SYT1: variants seen among roughly 807,000 people sequenced by gnomAD.
The protein encoded by SYT1 is synaptotagmin 1, also known as synaptotagmin-1.
Under a neutral mutation model 44.8 loss-of-function variants are expected in SYT1, and 8 were observed. The observed-to-expected ratio is 0.18, with a 90% CI of 0.10 to 0.32. The LOEUF (loss-of-function observed/expected upper bound fraction) is 0.32. Among genes scored for constraint, SYT1 ranks in the 10% least tolerant of loss-of-function variants. SYT1 has a pLI of 1.00. For synonymous variants in SYT1, 154 were observed against 188.8 expected, an observed-to-expected ratio of 0.82 and a Z score of 1.51; for missense variants, 286 against 509.3, an observed-to-expected ratio of 0.56 and a Z score of 4.22.
intron 8 of SYT1, among the ~76,000 whole-genome samples, chr12:79,329,435 C>G (rs56372997): frequency 0.11 from 16,910 of 152,104 alleles, 1,398 homozygotes; most frequent in African/African-American, 0.23. Flanking sequence ...TAGCTGAGCA[C>G]GAAATACACA....
chr12:78,916,068 A>G (rs780381491), intron 1 of SYT1, among the ~76,000 whole-genome samples: 3 of 152,062 alleles, frequency 2.0e-5, no homozygotes, highest in Non-Finnish European at 2.9e-5. Flanking sequence ...AAATGGTAGA[A>G]CATGCCAAAA....
intron 2 of SYT1, among the ~76,000 whole-genome samples, chr12:79,041,140 GT>G (rs1033759978): frequency 5.3e-5 from 8 of 151,130 alleles, no homozygotes; most frequent in Admixed American, 6.6e-5. Context: ...CTTTAAAGTA[GT>G]TTTTTCCAAT....
At chr12:79,126,367 TCTC>T (rs1868438260) in intron 3 of SYT1, among the ~76,000 whole-genome samples, 2 of 152,210 alleles carry the variant, frequency 1.3e-5, no homozygotes, top group South Asian at 4.1e-4. Context: ...TTCAAACAAT[TCTC>T]CTGCCTCAGC....
At chr12:78,929,409 C>CACAAAAAA (rs1877498423) in intron 1 of SYT1, among the ~76,000 whole-genome samples, 1 of 43,766 alleles carries the variant, frequency 2.3e-5, no homozygotes, top group African/African-American at 1.2e-4. Context: ...GACTCCGTCC[C>CACAAAAAA]AAAAAAAAAA....
intron 3 of SYT1, among the ~76,000 whole-genome samples, chr12:79,084,093 C>A (rs1877223016): frequency 1.3e-5 from 2 of 152,058 alleles, no homozygotes; most frequent in Non-Finnish European, 2.9e-5. Flanking sequence ...TCAGATGTAA[C>A]TATTTACCAG....
chr12:79,180,679 A>G, intron 3 of SYT1, among the ~76,000 whole-genome samples: 1 of 151,946 alleles, frequency 6.6e-6, no homozygotes, highest in East Asian at 1.9e-4. Context: ...ACACTTTTAA[A>G]TGAGCAGATC....
intron 2 of SYT1, among the ~76,000 whole-genome samples, chr12:79,044,837 C>A (rs577257200): frequency 6.6e-6 from 1 of 151,536 alleles, no homozygotes; most frequent in Admixed American, 6.6e-5. Flanking sequence ...TGTTAGTTTT[C>A]CTTCTAACAG....
chr12:79,307,494 C>A (rs2138911353), intron 8 of SYT1, among the ~76,000 whole-genome samples: 1 of 152,264 alleles, frequency 6.6e-6, no homozygotes, highest in East Asian at 1.9e-4. Flanking sequence ...GGCCACCTGA[C>A]CTTCCGAGCT....
chr12:79,440,281 T>C (rs1179738196), intron 9 of SYT1, among the ~76,000 whole-genome samples: 1 of 152,206 alleles, frequency 6.6e-6, no homozygotes, highest in Non-Finnish European at 1.5e-5. Context: ...AAGTGAAGTG[T>C]CCCATGTCTT....
intron 3 of SYT1, among the ~76,000 whole-genome samples, chr12:79,134,516 A>C (rs571421420): frequency 6.6e-6 from 1 of 152,352 alleles, no homozygotes; most frequent in Admixed American, 6.5e-5. Flanking sequence ...GTTTCATAAA[A>C]GTAGGAAATT....
intron 1 of SYT1, among the ~76,000 whole-genome samples, chr12:78,874,492 A>G (rs1388428050): frequency 6.6e-6 from 1 of 151,626 alleles, no homozygotes; most frequent in African/African-American, 2.4e-5. Context: ...GGTGAACTTC[A>G]ATAAGATAGT....
chr12:79,441,175 T>G (rs1870390566), intron 9 of SYT1, among the ~76,000 whole-genome samples: 1 of 152,226 alleles, frequency 6.6e-6, no homozygotes, highest in East Asian at 1.9e-4. Flanking sequence ...GTTGGGAATT[T>G]TGCCTGCAAC....
At chr12:78,876,841 A>AATACGTATAATATATT (rs1237974066) in intron 1 of SYT1, among the ~76,000 whole-genome samples, 296 of 27,364 alleles carry the variant, frequency 0.011, 30 homozygotes, top group Admixed American at 0.077. Flanking sequence ...TATTATATAT[A>AATACGTATAATATATT]ATATATATTA....
chr12:78,943,949 T>C (rs1878519051), intron 1 of SYT1, among the ~76,000 whole-genome samples: 2 of 152,222 alleles, frequency 1.3e-5, no homozygotes, highest in South Asian at 4.1e-4. Flanking sequence ...TTCTTCCTGT[T>C]GAATTAGTTG....
In SYT1 at chr12:79,179,466, G is replaced by T. The variant is rs907549282; in HGVS notation, c.-17-38037G>T. ...TATAGATATAGATATAATCTATATA[G>T]ATATAGATATAGAGATATAGATATA... On this transcript the variant is annotated intron_variant, in intron 3 of 10. Transcript: ENST00000261205. Among the ~76,000 whole-genome samples the T allele has an allele frequency of 1.1e-3, 4 of 3,658 alleles. No homozygotes were observed. In the South Asian group the frequency reaches 0.028, roughly 26 times the overall value. The allele number at this position is 3,658 out of a possible 152,430, so 2.4% of individuals were successfully genotyped here.
At chr12:79,107,886 C>A (rs911331985) in intron 3 of SYT1, among the ~76,000 whole-genome samples, 3 of 151,904 alleles carry the variant, frequency 2.0e-5, no homozygotes. Flanking sequence ...TATAAAGCTT[C>A]ATTTAAAAAA....
intron 2 of SYT1, among the ~76,000 whole-genome samples, chr12:78,998,645 A>C (rs987981725): frequency 6.6e-6 from 1 of 152,190 alleles, no homozygotes; most frequent in Non-Finnish European, 1.5e-5. Flanking sequence ...GGGGACTCTC[A>C]AGTTAGATTA....
At chr12:79,014,504 A>G (rs1000417988) in intron 2 of SYT1, among the ~76,000 whole-genome samples, 13 of 152,144 alleles carry the variant, frequency 8.5e-5, no homozygotes, top group South Asian at 2.1e-4. Flanking sequence ...AATCAAAACC[A>G]CAATGAGATA....
intron 8 of SYT1, among the ~76,000 whole-genome samples, chr12:79,322,697 G>A (rs1592965505): frequency 6.6e-6 from 1 of 151,990 alleles, no homozygotes; most frequent in African/African-American, 2.4e-5. Context: ...ATCTGATTGG[G>A]GCTCTTAAAA....
Sources: allele counts gnomAD v4.1 joint callset (sites outside exome capture counted in the v4.1 genomes callset), GRCh38; gene constraint gnomAD v4.1.1; transcripts MANE v1.5; gene names NCBI Gene and HGNC (gene_info 2026-07-23, HGNC 2026-07-21).